The following ARHGAP20 variants were observed in gnomAD, a reference collection of about 807,000 sequenced individuals.
ARHGAP20 encodes Rho GTPase activating protein 20.
In ARHGAP20, 34 loss-of-function variants were observed where a neutral mutation model predicts 73.7. That is an observed-to-expected ratio of 0.46 (90% CI 0.35 to 0.61). The LOEUF is 0.61. ARHGAP20 is among the 20% of genes least tolerant of loss of function. ARHGAP20 has a pLI of 0.00. For missense variants in ARHGAP20, 1,314 were observed against 1,420.9 expected, an observed-to-expected ratio of 0.92 and a Z score of 1.21; for synonymous variants, 523 against 518.2, an observed-to-expected ratio of 1.01 and a Z score of -0.13.
intron 2 of ARHGAP20, among the ~76,000 whole-genome samples, chr11:110,631,084 T>C (rs1431172928): frequency 6.6e-6 from 1 of 152,224 alleles, no homozygotes; most frequent in Non-Finnish European, 1.5e-5. Context: ...GAATAATTCA[T>C]TTTATTTTTG....
At chr11:110,582,275 C>A (rs2008772) in intron 14 of ARHGAP20, 46 bp downstream of exon 14, 1,207,292 of 1,445,452 alleles carry the variant, frequency 0.84, 506,834 homozygotes, top group Admixed American at 0.9. Flanking sequence ...TTACAAACAA[C>A]CATGTGTCTG....
intron 1 of ARHGAP20, among the ~76,000 whole-genome samples, chr11:110,705,668 TA>T (rs1211995806): frequency 6.6e-6 from 1 of 152,204 alleles, no homozygotes; most frequent in Non-Finnish European, 1.5e-5. Context: ...TAAGTGAGCA[TA>T]ACTATGGACA....
chr11:110,606,772 G>A (rs765878098), intron 8 of ARHGAP20, 23 bp from the exon 9 acceptor site: 10 of 1,504,346 alleles, frequency 6.6e-6, no homozygotes, highest in Non-Finnish European at 6.2e-6. Context: ...AAATCTAAAT[G>A]TAGACTTCAG....
intron 2 of ARHGAP20, among the ~76,000 whole-genome samples, chr11:110,680,545 A>G (rs1244819349): frequency 6.6e-6 from 1 of 152,184 alleles, no homozygotes; most frequent in African/African-American, 2.4e-5. Context: ...ATAAACATGC[A>G]CTAATGAGGT....
intron 8 of ARHGAP20, 26 bp from the exon 9 acceptor site, chr11:110,606,775 G>T: frequency 6.7e-7 from 1 of 1,501,336 alleles, no homozygotes; most frequent in South Asian, 1.3e-5. Flanking sequence ...TCTAAATGTA[G>T]ACTTCAGGCT....
At chr11:110,613,771 T>A (rs1382826806) in intron 6 of ARHGAP20, among the ~76,000 whole-genome samples, 1 of 152,158 alleles carries the variant, frequency 6.6e-6, no homozygotes, top group African/African-American at 2.4e-5. Flanking sequence ...TCAGAACATT[T>A]GCATAACTTT....
intron 4 of ARHGAP20, 34 bp from the exon 5 acceptor site, chr11:110,615,628 A>G: frequency 6.3e-7 from 1 of 1,584,646 alleles, no homozygotes; most frequent in Non-Finnish European, 8.6e-7. Context: ...GAAAAATTAA[A>G]CCACATAAAA....
chr11:110,670,125 A>G (rs1368257030), intron 2 of ARHGAP20, among the ~76,000 whole-genome samples: 1 of 152,112 alleles, frequency 6.6e-6, no homozygotes, highest in Admixed American at 6.5e-5. Flanking sequence ...GGTTATGAAA[A>G]TGTTCATTAT....
intron 2 of ARHGAP20, among the ~76,000 whole-genome samples, chr11:110,678,784 C>G (rs1949982716): frequency 1.3e-5 from 2 of 152,160 alleles, no homozygotes; most frequent in Admixed American, 6.5e-5. Flanking sequence ...CCTCAGCCTC[C>G]TGAGTAGCTG....
At position 110,580,779 on chromosome 11, in the gene ARHGAP20, G is replaced by T; in HGVS notation, c.2167C>A (p.Gln723Lys). ...CAGCTGGACTTGCGTAGCTTTTTCT[G>T]ATAAAACTCCCTGAGGTAGGAAAGC... ...SKLSYLREFYQKKLRKSSCDA... is the reference protein window; with the variant it reads ...SKLSYLREFYKKKLRKSSCDA... The change falls in exon 15 of 15, where the codon CAG becomes AAG. Residue 723 changes from glutamine (Q) to lysine (K), a missense_variant. Physicochemically the swap from Gln to Lys is moderately conservative, Grantham distance 53. Coordinates refer to ENST00000683387, the MANE Select transcript of ARHGAP20 (RefSeq NM_001384657.1). 1 of 1,613,770 alleles carries T rather than the reference G, an allele frequency of 6.2e-7. No homozygotes were observed. The highest frequency in any genetic ancestry group is 8.5e-7 in the Non-Finnish European group (1 of 1,179,928).
chr11:110,684,692 A>G (rs1453892791), intron 2 of ARHGAP20, among the ~76,000 whole-genome samples: 1 of 152,192 alleles, frequency 6.6e-6, no homozygotes, highest in Admixed American at 6.5e-5. Flanking sequence ...TGGATTAGAT[A>G]AAGAAAATGT....
At chr11:110,710,584 T>C (rs1183787210) in intron 1 of ARHGAP20, among the ~76,000 whole-genome samples, 1 of 152,204 alleles carries the variant, frequency 6.6e-6, no homozygotes, top group Non-Finnish European at 1.5e-5. Flanking sequence ...ACGTTTTATT[T>C]GGGAAGACTT....
intron 4 of ARHGAP20, among the ~76,000 whole-genome samples, chr11:110,623,861 T>C (rs73006372): frequency 1.6e-5 from 2 of 124,368 alleles, no homozygotes; most frequent in African/African-American, 3.3e-5. Context: ...GCTGTTGTTG[T>C]TGTTGTTTTC....
At chr11:110,711,224 T>C (rs781683940) in intron 1 of ARHGAP20, among the ~76,000 whole-genome samples, 1 of 151,968 alleles carries the variant, frequency 6.6e-6, no homozygotes, top group Non-Finnish European at 1.5e-5. Flanking sequence ...GCGGCCGTGT[T>C]TATCGGAATG....
rs757923032 is a variant in ARHGAP20, at chr11:110,586,290, T to C, written c.1341A>G (p.Ser447=). 2.5e-6 allele frequency: 4 copies of C among 1,578,938 alleles called. No individual in the cohort carries two copies. The East Asian group carries it at 6.9e-5, about 27-fold the overall frequency. The change falls in exon 12 of 15, where the codon TCA becomes TCG. Residue 447 remains serine, a synonymous_variant. Transcript: ENST00000683387. ...AGACCCAGTGATCATAGAGATCTGA[T>C]GAAAAAATACTTCCTGGAATATTTC... ...FLRNIPGSIF[S]SDLYDHWVSV...
At chr11:110,651,621 T>C (rs2135015690) in intron 2 of ARHGAP20, among the ~76,000 whole-genome samples, 3 of 150,438 alleles carry the variant, frequency 2.0e-5, no homozygotes, top group Middle Eastern at 6.8e-3. Flanking sequence ...AACTAGAAAA[T>C]CTAGAAGAAA....
rs140790817 is a variant in ARHGAP20, at chr11:110,577,970, T to C, written c.*1400A>G. The C allele has an allele frequency of 1.5e-4, 144 of 985,444 alleles. 1 individual carries two copies. The African/African-American group carries it at 2.3e-3, about 16-fold the overall frequency. The allele number at this position is 985,444 out of a possible 1,614,324, so 61.0% of individuals were successfully genotyped here. On this transcript the variant is annotated 3_prime_UTR_variant, in exon 15 of 15. Coordinates refer to ENST00000683387, the MANE Select transcript of ARHGAP20 (RefSeq NM_001384657.1). ...GCTTGTGAGAGAAAGGTCCATCTGA[T>C]GGTGAACTAAAGAGTTTAAATAAAT... is the stretch of plus-strand genomic sequence containing the variant.
At chr11:110,641,019 G>T (rs1405363739) in intron 2 of ARHGAP20, among the ~76,000 whole-genome samples, 1 of 152,036 alleles carries the variant, frequency 6.6e-6, no homozygotes, top group Non-Finnish European at 1.5e-5. Context: ...ACAGGATAAG[G>T]GCTTGGTAAG....
chr11:110,578,918 T>A lies in ARHGAP20; in HGVS notation c.*452A>T, dbSNP rs1056502459. ...TACTGGACACACTTAATGCTTTGAT[T>A]AGTGGCATTTTTCTTGCCTACTTAT... is the stretch of plus-strand genomic sequence containing the variant. On this transcript the variant is annotated 3_prime_UTR_variant, in exon 15 of 15. Transcript: ENST00000683387. 6.1e-6 allele frequency: 6 copies of A among 987,270 alleles called. No individual in the cohort carries two copies. The highest frequency in any genetic ancestry group is 7.2e-6 in the Non-Finnish European group (6 of 831,144). 61.2% of individuals were successfully genotyped at this position (987,270 alleles called of 1,614,324 possible). A position where few individuals can be genotyped will look rare whatever the true frequency, so the allele number is the denominator to read the frequency against.
Sources: allele counts gnomAD v4.1 joint callset (sites outside exome capture counted in the v4.1 genomes callset), GRCh38; gene constraint gnomAD v4.1.1; transcripts MANE v1.5; gene names NCBI Gene and HGNC (gene_info 2026-07-23, HGNC 2026-07-21).